PCSK6: variants seen among roughly 807,000 people sequenced by gnomAD.
PCSK6 encodes proprotein convertase subtilisin/kexin type 6.
A neutral mutation model predicts 123.3 loss-of-function variants in PCSK6; 85 were observed. The observed-to-expected ratio is 0.69, with a 90% confidence interval of 0.58 to 0.83. PCSK6 has a LOEUF of 0.83. Ranked by LOEUF, PCSK6 falls within the 40% of genes least tolerant of loss-of-function variation. The pLI, the probability that PCSK6 is intolerant of heterozygous loss-of-function variation, is 0.00. For synonymous variants in PCSK6, 508 were observed against 516.0 expected, an observed-to-expected ratio of 0.98 and a Z score of 0.21; for missense variants, 1,191 against 1,282.3, an observed-to-expected ratio of 0.93 and a Z score of 1.09.
chr15:101,356,505 C>CAAAAAAA (rs34350017), intron 13 of PCSK6, among the ~76,000 whole-genome samples: 4 of 86,248 alleles, frequency 4.6e-5, no homozygotes, highest in African/African-American at 1.3e-4. Context: ...ACTAAAACTA[C>CAAAAAAA]AAAAAAAAAA....
At chr15:101,405,908 A>G (rs1354390664) in intron 6 of PCSK6, among the ~76,000 whole-genome samples, 1 of 152,064 alleles carries the variant, frequency 6.6e-6, no homozygotes, top group Admixed American at 6.5e-5. Flanking sequence ...ACGCCTGGCT[A>G]ATTTTTATAT....
At chr15:101,442,462 C>T (rs2056780462) in intron 2 of PCSK6, among the ~76,000 whole-genome samples, 1 of 152,122 alleles carries the variant, frequency 6.6e-6, no homozygotes, top group Non-Finnish European at 1.5e-5. Context: ...AAACCCTCAC[C>T]ATGCGATGCC....
intron 1 of PCSK6, among the ~76,000 whole-genome samples, chr15:101,448,931 G>A (rs1461668466): frequency 1.3e-5 from 2 of 152,174 alleles, no homozygotes; most frequent in African/African-American, 2.4e-5. Flanking sequence ...CATTATGTCT[G>A]TATACGAGTG....
At chr15:101,325,303 G>C (rs2040226418) in intron 16 of PCSK6, among the ~76,000 whole-genome samples, 1 of 152,220 alleles carries the variant, frequency 6.6e-6, no homozygotes, top group Non-Finnish European at 1.5e-5. Context: ...GGTTTCCCAA[G>C]GGCATCGTGA....
At chr15:101,375,970 G>T (rs2041726295) in intron 11 of PCSK6, among the ~76,000 whole-genome samples, 1 of 152,200 alleles carries the variant, frequency 6.6e-6, no homozygotes, top group African/African-American at 2.4e-5. Flanking sequence ...GGAGGTGGAG[G>T]TTGCAGTGAG....
At chr15:101,488,551 G>C (rs2058076061) in intron 1 of PCSK6, among the ~76,000 whole-genome samples, 1 of 152,158 alleles carries the variant, frequency 6.6e-6, no homozygotes, top group Admixed American at 6.5e-5. Context: ...TCCAGGCTCT[G>C]TGGCAACGCA....
intron 6 of PCSK6, among the ~76,000 whole-genome samples, chr15:101,405,466 T>A (rs543559119): frequency 6.6e-6 from 1 of 152,230 alleles, no homozygotes; most frequent in Non-Finnish European, 1.5e-5. Flanking sequence ...ACCTGGTGCC[T>A]TTGTGTTTGA....
intron 11 of PCSK6, among the ~76,000 whole-genome samples, chr15:101,377,010 C>T (rs2141486816): frequency 6.6e-6 from 1 of 152,330 alleles, no homozygotes; most frequent in East Asian, 1.9e-4. Flanking sequence ...CTGCATAGTT[C>T]TGAGACAGCC....
intron 2 of PCSK6, among the ~76,000 whole-genome samples, chr15:101,440,758 G>A (rs2056734203): frequency 6.6e-6 from 1 of 152,188 alleles, no homozygotes; most frequent in African/African-American, 2.4e-5. Context: ...GTAGGGAAAC[G>A]TTCTGATGCA....
intron 11 of PCSK6, among the ~76,000 whole-genome samples, chr15:101,377,737 T>C (rs1417282485): frequency 6.6e-6 from 1 of 152,240 alleles, no homozygotes; most frequent in Non-Finnish European, 1.5e-5. Flanking sequence ...TTCCTGAACA[T>C]CTATAAAAAG....
At chr15:101,383,357 C>G (rs2041960015) in intron 10 of PCSK6, among the ~76,000 whole-genome samples, 1 of 147,810 alleles carries the variant, frequency 6.8e-6, no homozygotes, top group South Asian at 2.1e-4. Flanking sequence ...TTGCAGTGAG[C>G]CGAGATCGTG....
At chr15:101,360,736 CT>C (rs2041197626) in intron 13 of PCSK6, among the ~76,000 whole-genome samples, 1 of 152,036 alleles carries the variant, frequency 6.6e-6, no homozygotes, top group Admixed American at 6.5e-5. Context: ...TCAGCATCCC[CT>C]GAACGCTTTG....
At chr15:101,390,700 C>T (rs534207476) in intron 8 of PCSK6, among the ~76,000 whole-genome samples, 62 of 152,286 alleles carry the variant, frequency 4.1e-4, no homozygotes, top group African/African-American at 1.3e-3. Flanking sequence ...GCCAACAGCC[C>T]GAGTGGGCAA....
intron 6 of PCSK6, among the ~76,000 whole-genome samples, chr15:101,424,178 T>C (rs2056177069): frequency 6.6e-6 from 1 of 150,712 alleles, no homozygotes; most frequent in African/African-American, 2.4e-5. Context: ...AAGGCTGCAG[T>C]GAGCTATGAT....
chr15:101,408,622 C>T (rs1322091718), intron 6 of PCSK6, among the ~76,000 whole-genome samples: 2 of 152,176 alleles, frequency 1.3e-5, no homozygotes, highest in Admixed American at 6.5e-5. Flanking sequence ...GTGGGGAACA[C>T]CCGCTCCCTG....
At chr15:101,487,500 T>C (rs2058046728) in intron 1 of PCSK6, among the ~76,000 whole-genome samples, 2 of 152,036 alleles carry the variant, frequency 1.3e-5, no homozygotes, top group Admixed American at 1.3e-4. Context: ...GGCCAAGGGT[T>C]AGGCATTTTT....
intron 11 of PCSK6, among the ~76,000 whole-genome samples, chr15:101,380,805 C>T (rs2041892447): frequency 6.6e-6 from 1 of 152,204 alleles, no homozygotes; most frequent in African/African-American, 2.4e-5. Flanking sequence ...GGAAGAGCAT[C>T]TAAAGAGAGT....
intron 9 of PCSK6, among the ~76,000 whole-genome samples, chr15:101,388,699 G>A (rs1001713671): frequency 1.1e-5 from 1 of 87,052 alleles, no homozygotes; most frequent in African/African-American, 3.3e-5. Flanking sequence ...ACCACTTCAC[G>A]CCCATCAGGA....
At chr15:101,472,167 C>T (rs1448955007) in intron 1 of PCSK6, among the ~76,000 whole-genome samples, 1 of 152,242 alleles carries the variant, frequency 6.6e-6, no homozygotes, top group Non-Finnish European at 1.5e-5. Context: ...TGACTGACGG[C>T]ACTTGTTGGC....
Sources: allele counts gnomAD v4.1 joint callset (sites outside exome capture counted in the v4.1 genomes callset), GRCh38; gene constraint gnomAD v4.1.1; transcripts MANE v1.5; gene names NCBI Gene and HGNC (gene_info 2026-07-23, HGNC 2026-07-21).